VPS54: variants seen among roughly 807,000 people sequenced by gnomAD.
VPS54 encodes vacuolar protein sorting-associated protein 54.
In VPS54, 45 loss-of-function variants were observed where a neutral mutation model predicts 121.5. The ratio of observed to expected loss-of-function variants is 0.37; its 90% CI spans 0.29 to 0.47. VPS54 has a LOEUF of 0.47. VPS54 is among the 20% of genes least tolerant of loss of function. The pLI is 0.99. For missense variants in VPS54, 1,090 were observed against 1,131.4 expected (o/e 0.96, Z 0.52); for synonymous variants, 371 against 385.8 (o/e 0.96, Z 0.45).
At chr2:63,938,494 C>T (rs971527936) in intron 11 of VPS54, among the ~76,000 whole-genome samples, 1 of 151,966 alleles carries the variant, frequency 6.6e-6, no homozygotes, top group African/African-American at 2.4e-5. Flanking sequence ...GACAAACTTT[C>T]GCTCTTGTCA....
chr2:64,009,893 G>T (rs1576021780), intron 1 of VPS54, among the ~76,000 whole-genome samples: 1 of 150,954 alleles, frequency 6.6e-6, no homozygotes, highest in East Asian at 1.9e-4. Flanking sequence ...TCAGGCTGGA[G>T]TGCAGTGGCG....
intron 1 of VPS54, among the ~76,000 whole-genome samples, chr2:63,988,038 A>G (rs527938842): frequency 1.4e-4 from 22 of 152,304 alleles, no homozygotes; most frequent in African/African-American, 5.3e-4. Context: ...TGCTCCGGCT[A>G]GGACTTCCAA....
At chr2:64,004,326 A>G (rs1678025640) in intron 1 of VPS54, among the ~76,000 whole-genome samples, 1 of 152,238 alleles carries the variant, frequency 6.6e-6, no homozygotes, top group African/African-American at 2.4e-5. Flanking sequence ...AAAAATCACC[A>G]AAGTATGCTA....
chr2:63,914,829 T>C (rs1673305391), intron 16 of VPS54, among the ~76,000 whole-genome samples: 1 of 151,676 alleles, frequency 6.6e-6, no homozygotes, highest in East Asian at 1.9e-4. Context: ...AGAATTTTAT[T>C]GGTAGGTCAC....
chr2:63,976,363 A>G (rs1041172981), intron 3 of VPS54, among the ~76,000 whole-genome samples: 1 of 150,524 alleles, frequency 6.6e-6, no homozygotes, highest in South Asian at 2.1e-4. Flanking sequence ...AAAAAAAAAA[A>G]ACAAAAAACA....
At chr2:63,955,238 T>C (rs966032349) in intron 7 of VPS54, among the ~76,000 whole-genome samples, 1 of 152,002 alleles carries the variant, frequency 6.6e-6, no homozygotes, top group African/African-American at 2.4e-5. Flanking sequence ...ATAATTTCCT[T>C]TACTGTTGTG....
intron 1 of VPS54, among the ~76,000 whole-genome samples, chr2:64,013,845 A>C (rs1208697227): frequency 6.6e-6 from 1 of 151,564 alleles, no homozygotes; most frequent in Non-Finnish European, 1.5e-5. Flanking sequence ...GCCTTTGACC[A>C]CCTCTACCCT....
At chr2:63,972,134 C>T in intron 4 of VPS54, 32 bp downstream of exon 4, 4 of 1,374,544 alleles carry the variant, frequency 2.9e-6, no homozygotes, top group Non-Finnish European at 3.0e-6. Flanking sequence ...TTATGCTATG[C>T]TTTATTATCT....
chr2:63,919,656 G>A (rs759159442), intron 15 of VPS54, among the ~76,000 whole-genome samples: 1 of 152,026 alleles, frequency 6.6e-6, no homozygotes, highest in Non-Finnish European at 1.5e-5. Context: ...CTGGAGTAAT[G>A]CATGTAAAGA....
chr2:63,922,527 G>C (rs1435306807), intron 12 of VPS54, among the ~76,000 whole-genome samples: 2 of 152,112 alleles, frequency 1.3e-5, no homozygotes, highest in Admixed American at 1.3e-4. Context: ...AGTACTCGCA[G>C]AAACATTATC....
chr2:64,000,915 C>T (rs1677841400), intron 1 of VPS54, among the ~76,000 whole-genome samples: 2 of 152,222 alleles, frequency 1.3e-5, no homozygotes, highest in African/African-American at 2.4e-5. Context: ...TAGGGCTCTA[C>T]CATCGGCAGG....
At chr2:63,996,905 ATC>A (rs1677624179) in intron 1 of VPS54, among the ~76,000 whole-genome samples, 1 of 151,918 alleles carries the variant, frequency 6.6e-6, no homozygotes, top group Non-Finnish European at 1.5e-5. Context: ...GAAGCATGTG[ATC>A]TCTGTGACCC....
intron 3 of VPS54, among the ~76,000 whole-genome samples, chr2:63,973,180 C>T (rs1391234756): frequency 1.3e-5 from 2 of 152,146 alleles, no homozygotes; most frequent in Non-Finnish European, 2.9e-5. Flanking sequence ...GTTCTACATC[C>T]TTGTCAACAT....
At chr2:63,916,998 T>A in intron 15 of VPS54, 35 bp from the exon 16 acceptor site, 4 of 1,605,652 alleles carry the variant, frequency 2.5e-6, no homozygotes, top group Non-Finnish European at 3.4e-6. Context: ...GAGACAAGAG[T>A]ACCAGACGAA....
chr2:63,904,438 CA>C (rs58651830), intron 20 of VPS54, among the ~76,000 whole-genome samples: 1,171 of 19,788 alleles, frequency 0.059, 2 homozygotes, highest in Middle Eastern at 0.2. Context: ...GACTTGGTCT[CA>C]AAAAAAAAAA....
intron 13 of VPS54, 82 bp from the exon 14 acceptor site, chr2:63,920,709 A>T: frequency 1.3e-6 from 1 of 752,358 alleles, no homozygotes; most frequent in Non-Finnish European, 1.8e-6. Flanking sequence ...CGATTATTAT[A>T]ATCTATATAT....
chr2:63,901,795 C>A (rs995011620), intron 20 of VPS54, among the ~76,000 whole-genome samples: 1 of 152,092 alleles, frequency 6.6e-6, no homozygotes, highest in East Asian at 1.9e-4. Context: ...GAGGGTGGAT[C>A]ACCTGAGGTC....
chr2:63,955,633 A>G (rs894926297), intron 7 of VPS54, among the ~76,000 whole-genome samples: 5 of 152,050 alleles, frequency 3.3e-5, no homozygotes, highest in Admixed American at 2.0e-4. Flanking sequence ...TATATAATTA[A>G]TTTAATAAAG....
chr2:63,984,493 G>C (rs1676949714), intron 1 of VPS54, among the ~76,000 whole-genome samples: 1 of 152,140 alleles, frequency 6.6e-6, no homozygotes, highest in South Asian at 2.1e-4. Context: ...TCAACATCCT[G>C]TTACCAATTA....
Sources: gnomAD v4.1 joint callset for allele counts (sites outside exome capture counted in the v4.1 genomes callset) on GRCh38, gnomAD v4.1.1 for gene constraint, MANE v1.5 for transcripts, NCBI Gene and HGNC (gene_info 2026-07-23, HGNC 2026-07-21) for gene names.